Variants in EPRS1 observed in about 807,000 individuals in gnomAD.
EPRS1 encodes bifunctional glutamate/proline--tRNA ligase.
EPRS1 carries 107 observed loss-of-function variants against 188.3 expected under a neutral mutation model. That is an observed-to-expected ratio of 0.57 (90% CI 0.49 to 0.67). The LOEUF is 0.67. Ranked by LOEUF, EPRS1 falls within the 30% of genes least tolerant of loss-of-function variation. EPRS1 has a pLI of 0.00. For synonymous variants in EPRS1, 596 were observed against 593.1 expected, an observed-to-expected ratio of 1.00 and a Z score of -0.07; for missense variants, 1,577 against 1,802.2, an observed-to-expected ratio of 0.88 and a Z score of 2.26.
chr1:220,034,890 CA>C (rs763267808), intron 3 of EPRS1, 23 bp downstream of exon 3: 12 of 1,318,356 alleles, frequency 9.1e-6, no homozygotes. Flanking sequence ...ACAAAACACA[CA>C]CAACAAAATG....
intron 18 of EPRS1, among the ~76,000 whole-genome samples, chr1:219,994,066 T>C (rs1035644932): frequency 5.9e-5 from 9 of 152,218 alleles, no homozygotes; most frequent in African/African-American, 1.7e-4. Flanking sequence ...AGCAGGTCCT[T>C]GAATAACATT....
intron 16 of EPRS1, among the ~76,000 whole-genome samples, chr1:220,002,900 T>C (rs2102578048): frequency 6.6e-6 from 1 of 152,348 alleles, no homozygotes; most frequent in Non-Finnish European, 1.5e-5. Context: ...AGCAATAATC[T>C]ATTGCCACTT....
In EPRS1 at chr1:220,006,208, A is replaced by T. The variant is rs1661482175; in HGVS notation, c.1848T>A (p.Ala616=). Residue 616 remains alanine (A), a synonymous_variant, in exon 15 of 32, where the codon GCT becomes GCA. Coordinates refer to ENST00000366923, the MANE Select transcript of EPRS1 (RefSeq NM_004446.3). ...TGACACAGATTACTGGAATAGGAAG[A>T]GCATGTGTAGTCTCTGCAAGCCAAG... ...KVTWLAETTH[A]LPIPVICVTY... 1.9e-6 allele frequency: 3 copies of T among 1,606,252 alleles called. No homozygotes were observed. Among genetic ancestry groups the T allele is most frequent in the Non-Finnish European group, 2.6e-6 (3 of 1,175,012 alleles).
chr1:220,007,229 C>T lies in EPRS1; in HGVS notation c.1715G>A (p.Gly572Asp). ...EGEMVTFINW[G>D]NLNITKIHKN... ...GTGTATTTTTGTAATGTTGAGGTTGCCCCAATTTATAAATGTAACCATCTC... is the reference window on the plus strand; with the variant it reads ...GTGTATTTTTGTAATGTTGAGGTTGTCCCAATTTATAAATGTAACCATCTC... Residue 572 changes from glycine to aspartate, a missense_variant, in exon 14 of 32, where the codon GGC becomes GAC. Transcript: ENST00000366923. The T allele has an allele frequency of 1.2e-6, 2 of 1,613,142 alleles. No homozygotes were observed. Among genetic ancestry groups the T allele is most frequent in the Non-Finnish European group, 1.7e-6 (2 of 1,179,556 alleles).
Position 219,988,682 on chromosome 1 carries a change from C to T in EPRS1, c.2683G>A (p.Gly895Ser). 6.2e-7 allele frequency: 1 copy of T among 1,613,962 alleles called. No homozygotes were observed. Among genetic ancestry groups the T allele is most frequent in the Non-Finnish European group, 8.5e-7 (1 of 1,179,902 alleles). The stretch of plus-strand genomic sequence containing the variant: ...ACTTTCGCTTCTGGTGTTTCTAAAC[C>T]AGCAGGTTCAGAATTTCTGGTTGGG... ...SSPTRNSEPA[G>S]LETPEAKVLF... Residue 895 changes from glycine to serine, a missense_variant, in exon 19 of 32, where the codon GGT (glycine) becomes AGT (serine). This residue lies in a region of EPRS1 where 1,278 missense variants were observed against 1,457.4 expected (regional missense o/e 0.88). Transcript: ENST00000366923.
chr1:219,972,492 T>C (rs545178485), intron 29 of EPRS1, among the ~76,000 whole-genome samples: 58 of 152,202 alleles, frequency 3.8e-4, no homozygotes, highest in Non-Finnish European at 5.4e-4. Context: ...CTTAAATATT[T>C]CCAGATTCAG....
chr1:219,990,143 G>A lies in EPRS1; in HGVS notation c.2542-1320C>T, dbSNP rs552584647. Reference sequence around the variant, plus strand: ...CACGGAAAAAAAAAAAAAAAACCCCGTTCGCCAAGATTATAATTTGAAACG... The same window carrying A: ...CACGGAAAAAAAAAAAAAAAACCCCATTCGCCAAGATTATAATTTGAAACG... On this transcript the variant is annotated intron_variant, in intron 18 of 31. Coordinates refer to ENST00000366923, the MANE Select transcript of EPRS1 (RefSeq NM_004446.3). Among the ~76,000 whole-genome samples, 5 of 147,192 alleles carry A rather than the reference G, an allele frequency of 3.4e-5. No homozygotes were observed. In the South Asian group the frequency reaches 8.5e-4, roughly 25 times the overall value.
Position 220,006,127 on chromosome 1 carries a change from C to A in EPRS1, c.1929G>T (p.Gln643His). The A allele has an allele frequency of 6.3e-7, 1 of 1,578,730 alleles. No homozygotes were observed. Among genetic ancestry groups the A allele is most frequent in the South Asian group, 1.2e-5 (1 of 85,474 alleles). The change falls in exon 15 of 32, where the codon CAG becomes CAT. Residue 643 changes from glutamine to histidine, a missense_variant. By Grantham distance (24) the Gln-to-His change is conservative (BLOSUM62 0). Coordinates refer to ENST00000366923, the MANE Select transcript of EPRS1 (RefSeq NM_004446.3). ...PVLGKDEDFKQYVNKNSKHEE... is the reference protein window; with the variant it reads ...PVLGKDEDFKHYVNKNSKHEE... The stretch of plus-strand genomic sequence containing the variant: ...TTACCTTACTGTTCTTGTTGACATA[C>A]TGCTTAAAGTCCTCGTCTTTTCCTA...
chr1:220,001,742 G>A (rs545333703), intron 16 of EPRS1, among the ~76,000 whole-genome samples: 1 of 152,188 alleles, frequency 6.6e-6, no homozygotes, highest in African/African-American at 2.4e-5. Context: ...AAAATTGACA[G>A]TCTTGGCCGG....
At chr1:220,000,013 A>G (rs977158800) in intron 17 of EPRS1, among the ~76,000 whole-genome samples, 6 of 152,100 alleles carry the variant, frequency 3.9e-5, no homozygotes, top group Admixed American at 3.9e-4. Context: ...AGCCCAGTTG[A>G]GTCTTTGATG....
intron 6 of EPRS1, among the ~76,000 whole-genome samples, chr1:220,025,629 C>T (rs1300680695): frequency 6.6e-6 from 1 of 152,062 alleles, no homozygotes; most frequent in African/African-American, 2.4e-5. Flanking sequence ...CACTGTTTGT[C>T]TTTAATAAGA....
At chr1:219,989,268 T>C (rs1021044737) in intron 18 of EPRS1, among the ~76,000 whole-genome samples, 2 of 151,946 alleles carry the variant, frequency 1.3e-5, no homozygotes, top group Non-Finnish European at 1.5e-5. Context: ...AACTAATGAA[T>C]AGTTATATCA....
At position 220,006,124 on chromosome 1, in the gene EPRS1, A is replaced by G. The variant is rs778725585; in HGVS notation, c.1932T>C (p.Tyr644=). Residue 644 remains tyrosine, a synonymous_variant, in exon 15 of 32, where the codon TAT becomes TAC. Transcript: ENST00000366923. Reference sequence around the variant, plus strand: ...AGGTTACCTTACTGTTCTTGTTGACATACTGCTTAAAGTCCTCGTCTTTTC... The same window carrying G: ...AGGTTACCTTACTGTTCTTGTTGACGTACTGCTTAAAGTCCTCGTCTTTTC... ...VLGKDEDFKQ[Y]VNKNSKHEEL... The G allele has an allele frequency of 1.4e-5, 22 of 1,578,954 alleles. No individual in the cohort carries two copies. Among genetic ancestry groups the G allele is most frequent in the Non-Finnish European group, 1.7e-5 (20 of 1,159,274 alleles).
At chr1:220,042,876 G>A (rs896799940) in intron 1 of EPRS1, among the ~76,000 whole-genome samples, 3 of 152,000 alleles carry the variant, frequency 2.0e-5, no homozygotes, top group African/African-American at 7.2e-5. Flanking sequence ...AGCCAAGATC[G>A]CACCACTGCA....
At chr1:220,026,374 A>G (rs1034825901) in intron 6 of EPRS1, among the ~76,000 whole-genome samples, 2 of 152,188 alleles carry the variant, frequency 1.3e-5, no homozygotes, top group East Asian at 1.9e-4. Context: ...TATCAAGTAC[A>G]TGAGTAAAAG....
intron 16 of EPRS1, among the ~76,000 whole-genome samples, chr1:220,002,056 G>A (rs1489221950): frequency 6.6e-5 from 10 of 151,796 alleles, no homozygotes; most frequent in Non-Finnish European, 1.2e-4. Flanking sequence ...TTGGTCAGCC[G>A]TGGTGGCTCA....
Position 220,040,261 on chromosome 1 carries a change from G to A in EPRS1, c.55C>T (p.Leu19=), listed in dbSNP as rs760019756. The A allele has an allele frequency of 1.0e-5, 16 of 1,596,270 alleles. No individual in the cohort carries two copies. In the East Asian group the frequency reaches 3.3e-4, roughly 33 times the overall value. ...TCGTCTTTCACGTGTTCTACTGCCA[G>A]CAAAGCTCCTATAAATAATATGAAA... is the stretch of plus-strand genomic sequence containing the variant. ...NSGDPPLGAL[L]AVEHVKDDVS... Residue 19 remains leucine (L), a synonymous_variant, in exon 2 of 32, where the codon CTG becomes TTG. Transcript: ENST00000366923.
chr1:220,037,092 G>A (rs1348531312), intron 2 of EPRS1, among the ~76,000 whole-genome samples: 2 of 152,008 alleles, frequency 1.3e-5, no homozygotes, highest in Non-Finnish European at 2.9e-5. Flanking sequence ...TACTCAGGGG[G>A]CTGAAGCAGG....
chr1:220,041,066 C>T (rs960153938), intron 1 of EPRS1, among the ~76,000 whole-genome samples: 1 of 152,000 alleles, frequency 6.6e-6, no homozygotes, highest in African/African-American at 2.4e-5. Flanking sequence ...CATGATATCT[C>T]AAGCCTATAA....
Sources: gnomAD v4.1 joint callset for allele counts (sites outside exome capture counted in the v4.1 genomes callset) on GRCh38, gnomAD v4.1.1 for gene constraint, gnomAD v4.1.1 regional missense constraint, MANE v1.5 for transcripts, NCBI Gene and HGNC (gene_info 2026-07-23, HGNC 2026-07-21) for gene names.